The following ATP1B3 variants were observed in gnomAD, a reference collection of about 807,000 sequenced individuals.
The protein encoded by ATP1B3 is ATPase Na+/K+ transporting subunit beta 3, also known as sodium/potassium-transporting ATPase subunit beta-3.
Under a neutral mutation model 30.2 loss-of-function variants are expected in ATP1B3, and 10 were observed. That is an observed-to-expected ratio of 0.33 (90% CI 0.20 to 0.56). The LOEUF is 0.56. Ranked by LOEUF, ATP1B3 falls within the 20% of genes least tolerant of loss-of-function variation. ATP1B3 has a pLI of 0.90. For synonymous variants in ATP1B3, 113 were observed against 117.0 expected (o/e 0.97, Z 0.22); for missense variants, 238 against 336.7 (o/e 0.71, Z 2.29).
intron 5 of ATP1B3, among the ~76,000 whole-genome samples, chr3:141,920,396 G>A (rs372018863): frequency 1.4e-4 from 22 of 151,988 alleles, no homozygotes; most frequent in Admixed American, 4.6e-4. Context: ...GCATGGTGGC[G>A]CACACTTGTA....
At chr3:141,899,149 G>A (rs1934118046) in intron 1 of ATP1B3, among the ~76,000 whole-genome samples, 1 of 152,110 alleles carries the variant, frequency 6.6e-6, no homozygotes, top group Non-Finnish European at 1.5e-5. Flanking sequence ...ATTTATTGTG[G>A]TGATGCTTAT....
At chr3:141,911,417 T>C (rs951946466) in intron 3 of ATP1B3, among the ~76,000 whole-genome samples, 3 of 152,176 alleles carry the variant, frequency 2.0e-5, no homozygotes, top group Non-Finnish European at 2.9e-5. Context: ...CAGATACTAA[T>C]TGGACTTAAA....
rs1337809376 is a variant in ATP1B3 at position 141,903,708 on chromosome 3, C to T, written c.198C>T (p.Asn66=). The change falls in exon 2 of 7, where the codon AAC becomes AAT. Residue 66 remains asparagine, a synonymous_variant. Transcript: ENST00000286371. ...TGTGGGTTATGCTTCAGACTCTCAA[C>T]GATGAGGTTCCAAAATACCGTGACC... ...FTMWVMLQTL[N]DEVPKYRDQI... is the part of the protein sequence containing the mutation. 8 of 1,613,930 alleles carry T rather than the reference C, an allele frequency of 5.0e-6. No homozygotes were observed. The highest frequency in any genetic ancestry group is 1.3e-5 in the African/African-American group (1 of 74,904).
chr3:141,922,695 C>T (rs567960454), intron 6 of ATP1B3, among the ~76,000 whole-genome samples: 7 of 151,978 alleles, frequency 4.6e-5, no homozygotes, highest in Middle Eastern at 3.4e-3. Flanking sequence ...AGGCCAGGCG[C>T]AGTGGCTCAC....
chr3:141,896,470 ATGAT>A (rs1934068779), intron 1 of ATP1B3, among the ~76,000 whole-genome samples: 1 of 152,136 alleles, frequency 6.6e-6, no homozygotes. Context: ...GCAGGGAGCT[ATGAT>A]TGATTGTGCC....
At chr3:141,894,817 T>C (rs1270056955) in intron 1 of ATP1B3, among the ~76,000 whole-genome samples, 1 of 152,192 alleles carries the variant, frequency 6.6e-6, no homozygotes, top group Admixed American at 6.6e-5. Flanking sequence ...GAGTACACTA[T>C]AAAATAACAA....
intron 3 of ATP1B3, among the ~76,000 whole-genome samples, chr3:141,910,717 G>A (rs1934343136): frequency 6.6e-6 from 1 of 151,760 alleles, no homozygotes; most frequent in African/African-American, 2.4e-5. Context: ...CTGTCCTTTG[G>A]GGAACTTCCT....
At chr3:141,883,045 ATC>A (rs1271397922) in intron 1 of ATP1B3, among the ~76,000 whole-genome samples, 1 of 152,086 alleles carries the variant, frequency 6.6e-6, no homozygotes, top group Non-Finnish European at 1.5e-5. Context: ...CTCTCCTGTC[ATC>A]TCTCTCTACC....
chr3:141,922,761 C>G (rs1934588085), intron 6 of ATP1B3, among the ~76,000 whole-genome samples: 1 of 151,286 alleles, frequency 6.6e-6, no homozygotes, highest in Admixed American at 6.6e-5. Context: ...GTCAGGAGAT[C>G]AAGACCATCC....
At chr3:141,899,146 G>C (rs893028984) in intron 1 of ATP1B3, among the ~76,000 whole-genome samples, 2 of 152,140 alleles carry the variant, frequency 1.3e-5, no homozygotes, top group African/African-American at 4.8e-5. Context: ...AAAATTTATT[G>C]TGGTGATGCT....
At chr3:141,913,308 T>C (rs958801910) in intron 3 of ATP1B3, among the ~76,000 whole-genome samples, 2 of 151,966 alleles carry the variant, frequency 1.3e-5, no homozygotes, top group Non-Finnish European at 2.9e-5. Flanking sequence ...GTAAGCTCCA[T>C]GAGGGCAGCA....
chr3:141,887,542 C>T (rs994323430), intron 1 of ATP1B3, among the ~76,000 whole-genome samples: 8 of 152,224 alleles, frequency 5.3e-5, no homozygotes, highest in Admixed American at 1.3e-4. Context: ...CCTGAGCCAG[C>T]AGTTCTACTC....
chr3:141,923,145 G>C (rs1327443536), intron 6 of ATP1B3, among the ~76,000 whole-genome samples: 1 of 151,784 alleles, frequency 6.6e-6, no homozygotes, highest in African/African-American at 2.4e-5. Context: ...GGGCATAGTG[G>C]TGGGTGCATG....
intron 1 of ATP1B3, among the ~76,000 whole-genome samples, chr3:141,898,608 A>G (rs972293712): frequency 7.2e-5 from 11 of 152,214 alleles, no homozygotes; most frequent in Non-Finnish European, 5.9e-5. Context: ...AGAAGTGTTA[A>G]TGAGGTTGAG....
Position 141,888,505 on chromosome 3 carries a change from G to A in ATP1B3, c.109+11595G>A, listed in dbSNP as rs763905163. 5.1e-4 allele frequency among the ~76,000 whole-genome samples: 77 copies of A among 152,110 alleles called. 3 individuals are homozygous for A. Among genetic ancestry groups the A allele is most frequent in the Middle Eastern group, 3.4e-3 (1 of 294 alleles). On this transcript the variant is annotated intron_variant, in intron 1 of 6. Coordinates refer to ENST00000286371, the MANE Select transcript of ATP1B3 (RefSeq NM_001679.4). ...GTTTTGGCTGTATATATAGGTTTGTGTCATTCCTTTTCATAGCATAATGTA... is the reference window on the plus strand; with the variant it reads ...GTTTTGGCTGTATATATAGGTTTGTATCATTCCTTTTCATAGCATAATGTA...
chr3:141,923,989 G>T (rs1934610530), intron 6 of ATP1B3, among the ~76,000 whole-genome samples: 1 of 152,172 alleles, frequency 6.6e-6, no homozygotes, highest in South Asian at 2.1e-4. Context: ...TATGAGCGAG[G>T]TTTCTACAAT....
chr3:141,899,317 G>C (rs907532985), intron 1 of ATP1B3, among the ~76,000 whole-genome samples: 3 of 152,144 alleles, frequency 2.0e-5, no homozygotes, highest in Admixed American at 2.0e-4. Context: ...AATTATACAT[G>C]TCTCTGCTTT....
chr3:141,909,107 AGCT>A (rs1456501663), intron 3 of ATP1B3, among the ~76,000 whole-genome samples: 1 of 152,190 alleles, frequency 6.6e-6, no homozygotes, highest in Non-Finnish European at 1.5e-5. Context: ...TTAAACCAAA[AGCT>A]GCTTCTGATC....
intron 1 of ATP1B3, among the ~76,000 whole-genome samples, 153 bp downstream of exon 1, chr3:141,877,063 C>A (rs1406293327): frequency 6.6e-6 from 1 of 151,334 alleles, no homozygotes; most frequent in Non-Finnish European, 1.5e-5. Context: ...CAGTGCGGCC[C>A]CATTCATTGC....
Sources: allele counts gnomAD v4.1 joint callset (sites outside exome capture counted in the v4.1 genomes callset), GRCh38; gene constraint gnomAD v4.1.1; transcripts MANE v1.5; gene names NCBI Gene and HGNC (gene_info 2026-07-23, HGNC 2026-07-21).